The following FUBP3 variants were observed in gnomAD, a reference collection of about 807,000 sequenced individuals.
FUBP3 encodes far upstream element binding protein 3, also known as far upstream element-binding protein 3.
FUBP3 carries 28 observed loss-of-function variants against 85.6 expected under a neutral mutation model. The ratio of observed to expected loss-of-function variants is 0.33; its 90% CI spans 0.24 to 0.45. FUBP3 has a LOEUF of 0.45. Ranked by LOEUF, FUBP3 falls within the 20% of genes least tolerant of loss-of-function variation. The pLI, the probability that FUBP3 is intolerant of heterozygous loss-of-function variation, is 1.00. For synonymous variants in FUBP3, 271 were observed against 271.4 expected (o/e 1.00, Z 0.01); for missense variants, 583 against 755.1 (o/e 0.77, Z 2.67).
Position 130,626,185 on chromosome 9 carries a change from C to T in FUBP3, c.976-179C>T, listed in dbSNP as rs1246417568. On this transcript the variant is annotated intron_variant, in intron 11 of 18. Transcript: ENST00000319725. ...CTGCACAGGTCCTCCCCAGATACAC[C>T]TGTGATCGGTGTTAATTCTGGCTTG... 3 of 627,510 alleles carry T rather than the reference C, an allele frequency of 4.8e-6. No homozygotes were observed. In the East Asian group the frequency reaches 8.4e-5, roughly 17 times the overall value. The allele number at this position is 627,510 out of a possible 1,614,324, so 38.9% of individuals were successfully genotyped here.
chr9:130,632,061 A>G (rs1429149536), intron 15 of FUBP3, 39 bp downstream of exon 15: 1 of 1,522,530 alleles, frequency 6.6e-7, no homozygotes, highest in African/African-American at 1.4e-5. Flanking sequence ...GACAGACGGC[A>G]CTAAGGTGGT....
rs67852625 is a variant in FUBP3, at chr9:130,607,137, ATT to A, written c.191-2804_191-2803del. Among the ~76,000 whole-genome samples the A allele has an allele frequency of 3.7e-3, 529 of 143,898 alleles. 3 individuals carry two copies. Among genetic ancestry groups the A allele is most frequent in the African/African-American group, 0.011 (418 of 39,720 alleles). 94.4% of individuals were successfully genotyped at this position (143,898 alleles called of 152,430 possible). Reference sequence around the variant, plus strand: ...ACCACCACACCCAGCTAATTTGTGTATTTTTTTTTTTTTTACTAGAGACAGGG... The same window carrying A: ...ACCACCACACCCAGCTAATTTGTGTATTTTTTTTTTTTACTAGAGACAGGG... On this transcript the variant is annotated intron_variant, in intron 2 of 18. Transcript: ENST00000319725.
chr9:130,582,411 G>A (rs572750968), intron 1 of FUBP3, among the ~76,000 whole-genome samples: 5 of 151,042 alleles, frequency 3.3e-5, no homozygotes, highest in Non-Finnish European at 7.4e-5. Flanking sequence ...TGATTGCTCC[G>A]CTGCATTCCA....
chr9:130,634,856 C>A, intron 17 of FUBP3, 118 bp downstream of exon 17: 2 of 785,036 alleles, frequency 2.5e-6, no homozygotes. Flanking sequence ...GTGGCTTGAT[C>A]TCATTATTTG....
rs755014275 is a variant in FUBP3 at position 130,579,652 on chromosome 9, CGGCGGCGGCGACGGCGGCGGG to C, written c.-23_-3del. 18 of 1,210,468 alleles carry C rather than the reference CGGCGGCGGCGACGGCGGCGGG, an allele frequency of 1.5e-5. No homozygotes were observed. The highest frequency in any genetic ancestry group is 3.0e-4 in the Middle Eastern group (1 of 3,292). 75.0% of individuals were successfully genotyped at this position (1,210,468 alleles called of 1,614,324 possible). On this transcript the variant is annotated 5_prime_UTR_variant, in exon 1 of 19. Coordinates refer to ENST00000319725, the MANE Select transcript of FUBP3 (RefSeq NM_003934.2). ...CGAGCGGCGGCGTCGGCGGCGTCGG[CGGCGGCGGCGACGGCGGCGGG>C]GGCGGTAATGGCGGAGCTGGTGCAG...
intron 2 of FUBP3, among the ~76,000 whole-genome samples, chr9:130,600,099 TCCTC>T (rs61692268): frequency 0.13 from 15,764 of 124,834 alleles, 1,169 homozygotes; most frequent in African/African-American, 0.24. Context: ...TTTCCTTCCT[TCCTC>T]CCTCCCTCCC....
chr9:130,624,958 G>A (rs1419152065), intron 11 of FUBP3, among the ~76,000 whole-genome samples: 2 of 152,104 alleles, frequency 1.3e-5, no homozygotes, highest in East Asian at 1.9e-4. Context: ...GGTGGCTCAC[G>A]CCTGTAATCC....
chr9:130,630,665 G>A lies in FUBP3; in HGVS notation c.1155G>A (p.Gly385=), dbSNP rs1222061292. ...ENIKSINQQS[G]AHVELQRNPP... ...TCAAAAGCATCAACCAGCAGTCAGGGGCGCACGTGGAGCTTCAGAGGAACC... is the reference window on the plus strand; with the variant it reads ...TCAAAAGCATCAACCAGCAGTCAGGAGCGCACGTGGAGCTTCAGAGGAACC... Residue 385 remains glycine, a synonymous_variant, in exon 13 of 19, where the codon GGG becomes GGA. Coordinates refer to ENST00000319725, the MANE Select transcript of FUBP3 (RefSeq NM_003934.2). 3 of 1,601,402 alleles carry A rather than the reference G, an allele frequency of 1.9e-6. No homozygotes were observed. The South Asian group carries it at 3.3e-5, about 18-fold the overall frequency.
chr9:130,633,081 T>C (rs1335723351), intron 16 of FUBP3, among the ~76,000 whole-genome samples: 1 of 152,232 alleles, frequency 6.6e-6, no homozygotes, highest in Non-Finnish European at 1.5e-5. Flanking sequence ...GTTCTGCCAC[T>C]TCAGCCTTAC....
At chr9:130,598,387 G>A (rs1273683609) in intron 2 of FUBP3, among the ~76,000 whole-genome samples, 1 of 152,218 alleles carries the variant, frequency 6.6e-6, no homozygotes, top group Non-Finnish European at 1.5e-5. Context: ...TGTTGTGAAA[G>A]GCTGAATGAG....
At chr9:130,619,646 A>G (rs1029740915) in intron 8 of FUBP3, among the ~76,000 whole-genome samples, 1 of 152,206 alleles carries the variant, frequency 6.6e-6, no homozygotes, top group African/African-American at 2.4e-5. Context: ...TGTAAGGTAC[A>G]GTAGGTCTTT....
At chr9:130,597,355 A>G (rs547029201) in intron 2 of FUBP3, among the ~76,000 whole-genome samples, 1 of 152,332 alleles carries the variant, frequency 6.6e-6, no homozygotes, top group Admixed American at 6.5e-5. Flanking sequence ...AAAGTTAGAA[A>G]GTTCATGTTG....
intron 2 of FUBP3, among the ~76,000 whole-genome samples, chr9:130,597,479 C>T (rs1266770223): frequency 1.3e-5 from 2 of 152,196 alleles, no homozygotes; most frequent in Admixed American, 6.5e-5. Context: ...GAATTCCGGC[C>T]GCTTGGTCTG....
chr9:130,634,695 G>A lies in FUBP3; in HGVS notation c.1539G>A (p.Gln513=). Residue 513 remains glutamine (Q), a synonymous_variant, in exon 17 of 19, where the codon CAG becomes CAA. Transcript: ENST00000319725. Reference sequence around the variant, plus strand: ...AGCAGAGCCAGCCGCAGAGCAGCCAGCCCAACTACAGCAAGGCCTGGGAAG... The same window carrying A: ...AGCAGAGCCAGCCGCAGAGCAGCCAACCCAACTACAGCAAGGCCTGGGAAG... ...PSQQSQPQSS[Q]PNYSKAWEDY... 6.2e-7 allele frequency: 1 copy of A among 1,614,016 alleles called. No homozygotes were observed. The highest frequency in any genetic ancestry group is 8.5e-7 in the Non-Finnish European group (1 of 1,180,002).
intron 8 of FUBP3, 100 bp from the exon 9 acceptor site, chr9:130,620,254 T>C (rs1436509967): frequency 4.4e-6 from 3 of 682,804 alleles, no homozygotes; most frequent in Non-Finnish European, 7.6e-6. Context: ...TGAGCGCCTT[T>C]AAACCCAAGT....
At chr9:130,629,103 T>A (rs1054560818) in intron 12 of FUBP3, among the ~76,000 whole-genome samples, 3 of 152,184 alleles carry the variant, frequency 2.0e-5, no homozygotes, top group Non-Finnish European at 4.4e-5. Context: ...CAAAAAACAT[T>A]GCCTAGGAGC....
chr9:130,605,092 CT>C (rs1356799737), intron 2 of FUBP3, among the ~76,000 whole-genome samples: 2 of 152,140 alleles, frequency 1.3e-5, no homozygotes, highest in East Asian at 1.9e-4. Flanking sequence ...TTGTGACCCC[CT>C]ATATTGATTT....
chr9:130,604,876 G>A (rs1302979590), intron 2 of FUBP3, among the ~76,000 whole-genome samples: 2 of 146,858 alleles, frequency 1.4e-5, no homozygotes, highest in Admixed American at 1.4e-4. Flanking sequence ...CCAGCCTGGC[G>A]ACAGAGCAAG....
At chr9:130,613,086 T>G in intron 5 of FUBP3, 59 bp downstream of exon 5, 1 of 1,088,962 alleles carries the variant, frequency 9.2e-7, no homozygotes, top group African/African-American at 1.6e-5. Flanking sequence ...TGCAAAACTT[T>G]CCAGATTCGG....
Sources: allele counts gnomAD v4.1 joint callset (sites outside exome capture counted in the v4.1 genomes callset), GRCh38; gene constraint gnomAD v4.1.1; transcripts MANE v1.5; gene names NCBI Gene and HGNC (gene_info 2026-07-23, HGNC 2026-07-21).